The following CFAP47 variants were observed in gnomAD, a reference collection of about 807,000 sequenced individuals.
CFAP47 encodes cilia- and flagella-associated protein 47.
Under a neutral mutation model 148.1 loss-of-function variants are expected in CFAP47, and 29 were observed. The ratio of observed to expected loss-of-function variants is 0.20; its 90% CI spans 0.15 to 0.27. The LOEUF (loss-of-function observed/expected upper bound fraction) is 0.27, where lower values mean the gene tolerates loss of function less well. Ranked by LOEUF, CFAP47 falls within the 10% of genes least tolerant of loss-of-function variation. The pLI is 1.00. For synonymous variants in CFAP47, 664 were observed against 577.3 expected, an observed-to-expected ratio of 1.15 and a Z score of -2.15; for missense variants, 1,872 against 1,697.5, an observed-to-expected ratio of 1.10 and a Z score of -1.81.
intron 35 of CFAP47, among the ~76,000 whole-genome samples, chrX:36,142,435 G>A (rs192584642): frequency 8.2e-4 from 91 of 111,386 alleles, no homozygotes; most frequent in African/African-American, 2.7e-3. Context: ...AGAAAAAAAG[G>A]ACCAATACAA....
At chrX:35,976,735 G>T (rs1291916426) in intron 15 of CFAP47, among the ~76,000 whole-genome samples, 1 of 111,692 alleles carries the variant, frequency 9.0e-6, no homozygotes, top group Non-Finnish European at 1.9e-5. Context: ...CTTTTAGAAA[G>T]ATCTAGAAAT....
At chrX:36,353,079 G>A (rs1463139225) in intron 59 of CFAP47, among the ~76,000 whole-genome samples, 1 of 110,220 alleles carries the variant, frequency 9.1e-6, no homozygotes, top group Non-Finnish European at 1.9e-5. Flanking sequence ...AAGTGTTACA[G>A]AACTTATTTT....
chrX:36,212,258 A>G (rs1390189327), intron 45 of CFAP47, among the ~76,000 whole-genome samples: 2 of 112,396 alleles, frequency 1.8e-5, no homozygotes, highest in Non-Finnish European at 3.7e-5. Flanking sequence ...CCATTGGTCT[A>G]CATGTCTGTC....
intron 56 of CFAP47, among the ~76,000 whole-genome samples, chrX:36,317,610 G>T (rs1382256457): frequency 1.9e-5 from 2 of 105,573 alleles, no homozygotes; most frequent in Non-Finnish European, 3.9e-5. Context: ...AGTAGAGACG[G>T]GGTTTCACCG....
At position 36,188,678 on chromosome X, in the gene CFAP47, G is replaced by A. The variant is rs1346952842; in HGVS notation, c.6163G>A (p.Val2055Ile). 3.4e-6 allele frequency: 1 copy of A among 295,632 alleles called. No individual in the cohort carries two copies. The highest frequency in any genetic ancestry group is 5.9e-6 in the Non-Finnish European group (1 of 169,871). 24.4% of individuals were successfully genotyped at this position (295,632 alleles called of 1,213,427 possible). ...TDQGCSDSPN[V>I]LHTSIKSTFI... Reference sequence around the variant, plus strand: ...TCAGGGCTGTTCCGATTCCCCAAATGTCTTACATACCTGTGAGTACCTAAA... The same window carrying A: ...TCAGGGCTGTTCCGATTCCCCAAATATCTTACATACCTGTGAGTACCTAAA... Residue 2055 changes from valine (V) to isoleucine (I), a missense_variant, in exon 41 of 64, where the codon GTC becomes ATC. Coordinates refer to ENST00000378653, the MANE Select transcript of CFAP47 (RefSeq NM_001304548.2).
intron 36 of CFAP47, among the ~76,000 whole-genome samples, 189 bp from the exon 37 acceptor site, chrX:36,148,901 ATGTGTGTGTGTGTGTGTG>A (rs60968920): frequency 1.1e-5 from 1 of 92,263 alleles, no homozygotes; most frequent in Non-Finnish European, 2.2e-5. Context: ...AACTGTATGT[ATGTGTGTGTGTGTGTGTG>A]TGTGTGTGTG....
intron 62 of CFAP47, among the ~76,000 whole-genome samples, chrX:36,377,071 C>T (rs782366684): frequency 9.0e-6 from 1 of 111,243 alleles, no homozygotes; most frequent in African/African-American, 3.3e-5. Flanking sequence ...GTGAATAATG[C>T]CGCAATAAAC....
At chrX:36,325,875 T>C (rs1397392412) in intron 57 of CFAP47, among the ~76,000 whole-genome samples, 2 of 111,445 alleles carry the variant, frequency 1.8e-5, no homozygotes, top group East Asian at 5.7e-4. Context: ...CATAAAAAAG[T>C]CATGAAGATA....
intron 62 of CFAP47, among the ~76,000 whole-genome samples, chrX:36,376,760 G>T (rs1210672928): frequency 4.8e-5 from 5 of 103,661 alleles, no homozygotes; most frequent in Non-Finnish European, 9.9e-5. Context: ...ATCTCCTAAT[G>T]CTATCCCTCC....
intron 51 of CFAP47, among the ~76,000 whole-genome samples, chrX:36,289,861 G>A (rs957708397): frequency 5.4e-5 from 6 of 111,657 alleles, no homozygotes; most frequent in Admixed American, 2.9e-4. Flanking sequence ...TCAAGGCCGT[G>A]CCTAGAGTTA....
At chrX:36,376,495 C>T (rs917641140) in intron 62 of CFAP47, among the ~76,000 whole-genome samples, 9 of 111,505 alleles carry the variant, frequency 8.1e-5, no homozygotes, top group African/African-American at 2.9e-4. Context: ...GTCCAGCCTT[C>T]TTTTTCTTTC....
chrX:35,951,381 G>T, intron 5 of CFAP47, 22 bp downstream of exon 5: 1 of 960,197 alleles, frequency 1.0e-6, no homozygotes. Flanking sequence ...GTGCGACAGG[G>T]ATATCAGATA....
At chrX:36,271,630 C>T (rs1556001855) in intron 49 of CFAP47, among the ~76,000 whole-genome samples, 1 of 111,737 alleles carries the variant, frequency 8.9e-6, no homozygotes, top group African/African-American at 3.3e-5. Flanking sequence ...TTTCAAAATA[C>T]TTTTTGCACC....
chrX:35,962,556 C>CT (rs1601903175), intron 8 of CFAP47, among the ~76,000 whole-genome samples: 1 of 110,775 alleles, frequency 9.0e-6, no homozygotes, highest in African/African-American at 3.3e-5. Flanking sequence ...ATAAAATGCT[C>CT]TTTTTTCAAT....
intron 24 of CFAP47, among the ~76,000 whole-genome samples, chrX:36,037,713 A>T (rs781654260): frequency 1.8e-5 from 2 of 110,869 alleles, no homozygotes; most frequent in East Asian, 5.7e-4. Flanking sequence ...TTCTGAAATA[A>T]TCTCAAAGTA....
chrX:35,952,040 T>A, intron 6 of CFAP47, 77 bp downstream of exon 6: 2 of 1,022,984 alleles, frequency 2.0e-6, no homozygotes, highest in African/African-American at 2.0e-5. Context: ...CAGATTCACT[T>A]TAATACTATA....
At chrX:36,259,358 A>G (rs1277728021) in intron 49 of CFAP47, among the ~76,000 whole-genome samples, 1 of 111,456 alleles carries the variant, frequency 9.0e-6, no homozygotes, top group Non-Finnish European at 1.9e-5. Context: ...TTTGCAAAAT[A>G]TATAAATATA....
chrX:35,967,533 C>A, intron 9 of CFAP47, 86 bp from the exon 10 acceptor site: 1 of 622,736 alleles, frequency 1.6e-6, no homozygotes, highest in Non-Finnish European at 2.5e-6. Context: ...AATCAATTGT[C>A]TAGTGTATTA....
chrX:36,138,108 G>A (rs1939075737), intron 34 of CFAP47, 53 bp downstream of exon 34: 2 of 560,699 alleles, frequency 3.6e-6, no homozygotes, highest in Admixed American at 6.6e-5. Context: ...AAAACTTAGT[G>A]ATTAAAATTT....
Sources: allele counts gnomAD v4.1 joint callset (sites outside exome capture counted in the v4.1 genomes callset), GRCh38; gene constraint gnomAD v4.1.1; transcripts MANE v1.5; gene names NCBI Gene and HGNC (gene_info 2026-07-23, HGNC 2026-07-21).